MYO16: variants seen among roughly 807,000 people sequenced by gnomAD.
MYO16 encodes the protein myosin XVI.
A neutral mutation model predicts 205.3 loss-of-function variants in MYO16; 94 were observed. That is an observed-to-expected ratio of 0.46 (90% CI 0.39 to 0.54). The LOEUF (loss-of-function observed/expected upper bound fraction) is 0.54. Among genes scored for constraint, MYO16 ranks in the 20% least tolerant of loss-of-function variants. The pLI is 0.00. For synonymous variants in MYO16, 988 were observed against 954.0 expected (o/e 1.04, Z -0.66); for missense variants, 2,315 against 2,387.5 (o/e 0.97, Z 0.63).
At chr13:108,912,036 A>G (rs1438683965) in intron 16 of MYO16, among the ~76,000 whole-genome samples, 1 of 152,178 alleles carries the variant, frequency 6.6e-6, no homozygotes, top group Admixed American at 6.5e-5. Context: ...TTAAGACAGC[A>G]AGGTGGAGAT....
chr13:108,878,865 G>A (rs1222663038), intron 12 of MYO16, among the ~76,000 whole-genome samples: 1 of 152,190 alleles, frequency 6.6e-6, no homozygotes. Context: ...CACATCCTGC[G>A]AGCAGGATTA....
At chr13:109,199,488 A>C (rs1880320552) in intron 34 of MYO16, among the ~76,000 whole-genome samples, 1 of 152,054 alleles carries the variant, frequency 6.6e-6, no homozygotes, top group Non-Finnish European at 1.5e-5. Context: ...TATTATAAAA[A>C]GTTCCAGAAA....
chr13:109,038,262 G>C (rs753680939), intron 23 of MYO16, among the ~76,000 whole-genome samples: 2 of 152,190 alleles, frequency 1.3e-5, no homozygotes, highest in Non-Finnish European at 2.9e-5. Context: ...TGTCTTCGAG[G>C]TGTTTTGGGA....
At chr13:108,917,462 G>T (rs1196864635) in intron 16 of MYO16, among the ~76,000 whole-genome samples, 3 of 152,348 alleles carry the variant, frequency 2.0e-5, no homozygotes, top group African/African-American at 7.2e-5. Flanking sequence ...GAATGCAAGT[G>T]TCAGTAAGTC....
chr13:109,159,045 AG>A (rs1360464373), intron 32 of MYO16, among the ~76,000 whole-genome samples: 3 of 152,232 alleles, frequency 2.0e-5, no homozygotes, highest in African/African-American at 7.2e-5. Context: ...CAGATTGTAA[AG>A]CAATGTAAAG....
intron 15 of MYO16, among the ~76,000 whole-genome samples, chr13:108,908,721 C>T (rs1013407271): frequency 6.6e-6 from 1 of 152,006 alleles, no homozygotes; most frequent in Non-Finnish European, 1.5e-5. Context: ...CCCCTGTAAT[C>T]CTGGCACTTT....
chr13:108,611,721 C>A (rs1360841521), intron 1 of MYO16, among the ~76,000 whole-genome samples: 1 of 151,750 alleles, frequency 6.6e-6, no homozygotes, highest in African/African-American at 2.4e-5. Context: ...GTCTTCTGAC[C>A]CAGGGTAGGT....
intron 4 of MYO16, among the ~76,000 whole-genome samples, chr13:108,740,439 G>T (rs112287396): frequency 1.3e-5 from 2 of 152,124 alleles, no homozygotes; most frequent in Admixed American, 6.5e-5. Context: ...AGTGGAGGCC[G>T]CAGAACAGTG....
intron 6 of MYO16, among the ~76,000 whole-genome samples, chr13:108,806,447 G>T (rs934406011): frequency 1.3e-5 from 2 of 152,150 alleles, no homozygotes; most frequent in Non-Finnish European, 2.9e-5. Context: ...ATGAAAAAGT[G>T]CACACTATCA....
chr13:108,684,604 G>T (rs1484658752), intron 2 of MYO16, among the ~76,000 whole-genome samples: 2 of 152,150 alleles, frequency 1.3e-5, no homozygotes, highest in African/African-American at 4.8e-5. Context: ...GACATGTTTT[G>T]TTCTAATAAG....
At chr13:108,951,473 A>G (rs545366048) in intron 16 of MYO16, among the ~76,000 whole-genome samples, 2 of 152,304 alleles carry the variant, frequency 1.3e-5, no homozygotes, top group South Asian at 4.1e-4. Context: ...CAGGGCCTGT[A>G]TGTTCCCCAG....
Position 108,965,779 on chromosome 13 carries a change from T to C in MYO16, c.2369+877T>C, listed in dbSNP as rs112417098. ...AATTATATCTCTCCATTACATATTA[T>C]CAGTGGAAAACTTTCTTGTTATTCT... On this transcript the variant is annotated intron_variant, in intron 20 of 34. Coordinates refer to ENST00000457511, the MANE Select transcript of MYO16 (RefSeq NM_001198950.3). 3.7e-3 allele frequency among the ~76,000 whole-genome samples: 569 copies of C among 152,328 alleles called. 3 individuals are homozygous for C. Among genetic ancestry groups the C allele is most frequent in the African/African-American group, 0.012 (498 of 41,578 alleles).
At chr13:109,204,148 T>G (rs1218973851) in intron 34 of MYO16, among the ~76,000 whole-genome samples, 1 of 152,184 alleles carries the variant, frequency 6.6e-6, no homozygotes, top group Non-Finnish European at 1.5e-5. Context: ...TTTTTGAAAT[T>G]TTTACAACAG....
intron 1 of MYO16, among the ~76,000 whole-genome samples, chr13:108,604,814 G>A (rs1429280673): frequency 6.6e-6 from 1 of 152,154 alleles, no homozygotes; most frequent in Non-Finnish European, 1.5e-5. Flanking sequence ...CAGCCTTAGA[G>A]AGCAGGTACA....
chr13:108,615,961 C>T lies in MYO16; in HGVS notation c.-39+19722C>T, dbSNP rs149820090. Among the ~76,000 whole-genome samples, 39 of 152,280 alleles carry T rather than the reference C, an allele frequency of 2.6e-4. 1 individual carries two copies. Among genetic ancestry groups the T allele is most frequent in the African/African-American group, 9.1e-4 (38 of 41,574 alleles). On this transcript the variant is annotated intron_variant, in intron 1 of 24. Transcript: ENST00000251041. ...CCACCTTCCTTTCTCTGCACAAATG[C>T]AGTCCCTTATATCCTGAAGTAGAAC...
At chr13:109,206,532 A>G in intron 34 of MYO16, 77 bp from the exon 35 acceptor site, 1 of 1,058,332 alleles carries the variant, frequency 9.4e-7, no homozygotes, top group Non-Finnish European at 1.4e-6. Flanking sequence ...CTTTGTATCC[A>G]GGTGTTGCTA....
In MYO16 at chr13:109,019,765, G is replaced by T. The variant is rs766551988; in HGVS notation, c.2650G>T (p.Val884Leu). ...LDEESQMIWS[V>L]ESNFPKKLQS... ...TGAAGAAAGTCAAATGATTTGGTCA[G>T]TGGAATCAAATTTTCCAAAAAAACT... Residue 884 changes from valine (V) to leucine (L), a missense_variant, in exon 23 of 35, where the codon GTG (valine) becomes TTG (leucine). Around this residue, in one of 3 missense-constraint regions of MYO16, gnomAD observed 1,213 missense variants for 1,274.4 expected, o/e 0.95. Coordinates refer to ENST00000457511, the MANE Select transcript of MYO16 (RefSeq NM_001198950.3). 6.2e-7 allele frequency: 1 copy of T among 1,614,108 alleles called. No individual in the cohort carries two copies. Among genetic ancestry groups the T allele is most frequent in the Non-Finnish European group, 8.5e-7 (1 of 1,179,990 alleles).
chr13:108,909,384 G>A (rs575891158), intron 15 of MYO16, among the ~76,000 whole-genome samples: 7 of 152,226 alleles, frequency 4.6e-5, no homozygotes, highest in African/African-American at 1.7e-4. Flanking sequence ...ACTACACACT[G>A]TTCACACTGG....
chr13:109,021,381 C>A (rs74119806), intron 23 of MYO16, among the ~76,000 whole-genome samples: 2,361 of 152,234 alleles, frequency 0.016, 60 homozygotes, highest in African/African-American at 0.054. Flanking sequence ...CGTGTGCAAA[C>A]CCTAGCACTC....
Sources: allele counts gnomAD v4.1 joint callset (sites outside exome capture counted in the v4.1 genomes callset), GRCh38; gene constraint gnomAD v4.1.1; regional missense constraint gnomAD v4.1.1; transcripts MANE v1.5; gene names NCBI Gene and HGNC (gene_info 2026-07-23, HGNC 2026-07-21).